Variants in ARHGAP21 observed in about 807,000 individuals in gnomAD.
The protein encoded by ARHGAP21 is Rho GTPase activating protein 21.
ARHGAP21 carries 38 observed loss-of-function variants against 164.6 expected under a neutral mutation model. The ratio of observed to expected loss-of-function variants is 0.23; its 90% CI spans 0.18 to 0.30. The LOEUF (loss-of-function observed/expected upper bound fraction) is 0.30. Ranked by LOEUF, ARHGAP21 falls within the 10% of genes least tolerant of loss-of-function variation. The pLI, the probability that ARHGAP21 is intolerant of heterozygous loss-of-function variation, is 1.00. For missense variants in ARHGAP21, 1,822 were observed against 2,370.7 expected, an observed-to-expected ratio of 0.77 and a Z score of 4.81; for synonymous variants, 766 against 857.9, an observed-to-expected ratio of 0.89 and a Z score of 1.87.
intron 13 of ARHGAP21, 113 bp from the exon 14 acceptor site, chr10:24,601,043 G>T: frequency 7.8e-7 from 1 of 1,277,086 alleles, no homozygotes; most frequent in East Asian, 2.4e-5. Flanking sequence ...TAGTGTAGCA[G>T]GTGGCAGATT....
intron 14 of ARHGAP21, among the ~76,000 whole-genome samples, chr10:24,600,132 C>CCAAA (rs576760043): frequency 1.1e-5 from 1 of 94,862 alleles, no homozygotes; most frequent in African/African-American, 4.2e-5. Flanking sequence ...GACTTCGTTT[C>CCAAA]AAAAAAAAAA....
rs951763361 is a variant in ARHGAP21 at position 24,634,902 on chromosome 10, G to T, written c.361+109C>A. 9.3e-6 allele frequency: 7 copies of T among 753,240 alleles called. No homozygotes were observed. In the African/African-American group the frequency reaches 1.2e-4, roughly 13 times the overall value. The allele number at this position is 753,240 out of a possible 1,614,324, so 46.7% of individuals were successfully genotyped here. On this transcript the variant is annotated intron_variant, in intron 5 of 25. Transcript: ENST00000396432. ...AGTAACAACAGATGTGAAGGAAAAG[G>T]AAGAAGCATACAGAAAGATACAAAA...
At chr10:24,644,222 T>C (rs1232882348) in intron 4 of ARHGAP21, among the ~76,000 whole-genome samples, 3 of 152,172 alleles carry the variant, frequency 2.0e-5, no homozygotes, top group Non-Finnish European at 4.4e-5. Context: ...ATGTAAAACT[T>C]CATGTGAGAA....
intron 5 of ARHGAP21, among the ~76,000 whole-genome samples, chr10:24,634,054 G>A (rs1452871253): frequency 6.6e-6 from 1 of 151,482 alleles, no homozygotes; most frequent in Non-Finnish European, 1.5e-5. Flanking sequence ...AAAGAACAGA[G>A]GAAAGAAGAA....
intron 2 of ARHGAP21, among the ~76,000 whole-genome samples, chr10:24,674,554 T>TC (rs1439788952): frequency 9.9e-5 from 15 of 151,534 alleles, no homozygotes; most frequent in Non-Finnish European, 1.6e-4. Context: ...GGTGTGGTGG[T>TC]GCATGCCTGT....
Position 24,585,910 on chromosome 10 carries a change from T to G in ARHGAP21, c.4379A>C (p.Lys1460Thr), listed in dbSNP as rs1464016130. The change falls in exon 26 of 26, where the codon AAA (lysine) becomes ACA (threonine). Residue 1460 changes from lysine to threonine, a missense_variant. This residue lies in a region of ARHGAP21 where 333 missense variants were observed against 383.9 expected (regional missense o/e 0.87). Transcript: ENST00000396432. ...CHNDTKEESK[K>T]ESETLGRKQK... The stretch of plus-strand genomic sequence containing the variant: ...TTTTCTGCCCAGTGTCTCACTTTCT[T>G]TTTTGGACTCCTCTTTAGTATCATT... 6.2e-7 allele frequency: 1 copy of G among 1,613,988 alleles called. No homozygotes were observed. Among genetic ancestry groups the G allele is most frequent in the Non-Finnish European group, 8.5e-7 (1 of 1,179,970 alleles).
At chr10:24,656,159 A>G (rs1838851482) in intron 4 of ARHGAP21, among the ~76,000 whole-genome samples, 1 of 118,098 alleles carries the variant, frequency 8.5e-6, no homozygotes. Context: ...TCCGGGAGGG[A>G]GGTGGGGGGG....
chr10:24,600,963 A>G (rs1362643750), intron 13 of ARHGAP21, 33 bp from the exon 14 acceptor site: 3 of 1,592,148 alleles, frequency 1.9e-6, no homozygotes, highest in South Asian at 2.3e-5. Flanking sequence ...TTAATAGTCA[A>G]TATTTGGCTA....
chr10:24,621,704 G>A (rs1313086871), intron 8 of ARHGAP21, among the ~76,000 whole-genome samples: 1 of 152,182 alleles, frequency 6.6e-6, no homozygotes, highest in Non-Finnish European at 1.5e-5. Flanking sequence ...TTCAGCAGTT[G>A]ACAGGTTAAA....
intron 7 of ARHGAP21, chr10:24,629,721 AAC>A: frequency 4.6e-6 from 2 of 436,930 alleles, no homozygotes; most frequent in South Asian, 4.3e-5. Context: ...ACTAGAAGGC[AAC>A]ACTAGGACAA....
chr10:24,644,696 A>G (rs1837387991), intron 4 of ARHGAP21, among the ~76,000 whole-genome samples: 1 of 151,422 alleles, frequency 6.6e-6, no homozygotes, highest in South Asian at 2.1e-4. Flanking sequence ...CAAATTACCA[A>G]CTCCTCCTGG....
chr10:24,701,043 C>T (rs953980404), intron 2 of ARHGAP21, among the ~76,000 whole-genome samples: 1 of 152,164 alleles, frequency 6.6e-6, no homozygotes, highest in East Asian at 1.9e-4. Flanking sequence ...CAACGTAAAG[C>T]CTCCGTCTAC....
At chr10:24,666,602 C>T (rs1007319540) in intron 4 of ARHGAP21, among the ~76,000 whole-genome samples, 18 of 152,176 alleles carry the variant, frequency 1.2e-4, no homozygotes, top group African/African-American at 4.3e-4. Context: ...CCCAAACCCT[C>T]TTCTTTTCAA....
intron 14 of ARHGAP21, among the ~76,000 whole-genome samples, chr10:24,598,610 A>G (rs543706226): frequency 2.0e-5 from 3 of 152,222 alleles, no homozygotes; most frequent in African/African-American, 7.2e-5. Flanking sequence ...GTAAACCCAG[A>G]GTTGACCATA....
chr10:24,604,056 G>A (rs895332645), intron 12 of ARHGAP21, among the ~76,000 whole-genome samples: 2 of 151,500 alleles, frequency 1.3e-5, no homozygotes, highest in African/African-American at 4.9e-5. Flanking sequence ...GTGGGGTGGG[G>A]GGTGTTGGGG....
chr10:24,684,238 G>C (rs1451830030), intron 2 of ARHGAP21, among the ~76,000 whole-genome samples: 1 of 151,930 alleles, frequency 6.6e-6, no homozygotes, highest in African/African-American at 2.4e-5. Context: ...AGTGAGCCAA[G>C]ATCGTGCCAT....
rs369040406 is a variant in ARHGAP21 at position 24,591,879 on chromosome 10, G to C, written c.4002+8C>G. 9.4e-5 allele frequency: 151 copies of C among 1,602,130 alleles called. No individual in the cohort carries two copies. The highest frequency in any genetic ancestry group is 1.1e-4 in the Non-Finnish European group (135 of 1,176,040). The stretch of plus-strand genomic sequence containing the variant: ...GCATGAACTTACAGAGATGAAGCAT[G>C]AACTTACGTGCTGGATGAGCGTTTC... On this transcript the variant is annotated splice_region_variant and intron_variant, in intron 22 of 25. Transcript: ENST00000396432.
intron 10 of ARHGAP21, 37 bp from the exon 11 acceptor site, chr10:24,607,638 A>C: frequency 6.2e-7 from 1 of 1,611,254 alleles, no homozygotes; most frequent in Non-Finnish European, 8.5e-7. Flanking sequence ...AGACATTCAC[A>C]AGTGGTTCCC....
chr10:24,624,337 C>CTTTTTTTTTTTTTTT (rs565872094), intron 7 of ARHGAP21, among the ~76,000 whole-genome samples: 2 of 102,878 alleles, frequency 1.9e-5, no homozygotes, highest in Non-Finnish European at 3.7e-5. Context: ...TGTTCTAGAA[C>CTTTTTTTTTTTTTTT]TTTTTTTTTT....
Sources: gnomAD v4.1 joint callset for allele counts (sites outside exome capture counted in the v4.1 genomes callset) on GRCh38, gnomAD v4.1.1 for gene constraint, gnomAD v4.1.1 regional missense constraint, MANE v1.5 for transcripts, NCBI Gene and HGNC (gene_info 2026-07-23, HGNC 2026-07-21) for gene names.